CHRDL2: variants seen among roughly 807,000 people sequenced by gnomAD.
CHRDL2 encodes chordin-like protein 2.
Under a neutral mutation model 54.3 loss-of-function variants are expected in CHRDL2, and 41 were observed. The ratio of observed to expected loss-of-function variants is 0.76; its 90% CI spans 0.59 to 0.98. The LOEUF (loss-of-function observed/expected upper bound fraction) is 0.98. Ranked by LOEUF, CHRDL2 falls within the 50% of genes least tolerant of loss-of-function variation. The pLI, the probability that CHRDL2 is intolerant of heterozygous loss-of-function variation, is 0.00. For synonymous variants in CHRDL2, 220 were observed against 224.3 expected, an observed-to-expected ratio of 0.98 and a Z score of 0.17; for missense variants, 518 against 562.4, an observed-to-expected ratio of 0.92 and a Z score of 0.80.
chr11:74,728,786 C>T (rs1349735273), intron 1 of CHRDL2, among the ~76,000 whole-genome samples: 4 of 152,168 alleles, frequency 2.6e-5, no homozygotes, highest in Non-Finnish European at 4.4e-5. Flanking sequence ...TGGGTAGAAG[C>T]AGATGGTTTT....
rs1565148954 is a variant in CHRDL2, at chr11:74,703,286, T to G, written c.946+19A>C. The stretch of plus-strand genomic sequence containing the variant: ...TCACTCTGGCCAGCGCCCTCCTTGC[T>G]CCCAGTGCCCCTGTGTACCTGGGCA... On this transcript the variant is annotated intron_variant, in intron 8 of 10. Coordinates refer to ENST00000376332, the MANE Select transcript of CHRDL2 (RefSeq NM_001278473.3). The G allele has an allele frequency of 3.8e-6, 6 of 1,575,114 alleles. No individual in the cohort carries two copies. The highest frequency in any genetic ancestry group is 4.3e-6 in the Non-Finnish European group (5 of 1,157,846).
chr11:74,716,013 G>A (rs1316942311), intron 2 of CHRDL2, among the ~76,000 whole-genome samples: 4 of 151,210 alleles, frequency 2.6e-5, no homozygotes, highest in African/African-American at 9.8e-5. Context: ...AATAAATAGA[G>A]GAATATTATT....
chr11:74,726,232 C>A (rs1231433080), intron 1 of CHRDL2, among the ~76,000 whole-genome samples: 2 of 152,158 alleles, frequency 1.3e-5, no homozygotes, highest in Non-Finnish European at 1.5e-5. Flanking sequence ...TGCTTAGATT[C>A]ATAGAATCGT....
intron 1 of CHRDL2, among the ~76,000 whole-genome samples, chr11:74,719,788 A>G (rs1442679436): frequency 1.3e-5 from 2 of 152,160 alleles, no homozygotes; most frequent in Non-Finnish European, 2.9e-5. Flanking sequence ...ACAATCCTGC[A>G]TTCCTGAAAC....
chr11:74,704,705 A>C, intron 6 of CHRDL2, 51 bp from the exon 7 acceptor site: 1 of 1,565,400 alleles, frequency 6.4e-7, no homozygotes, highest in Non-Finnish European at 8.7e-7. Flanking sequence ...AGCAGGCCCC[A>C]GCTGGAGCCA....
At chr11:74,711,041 A>C (rs2034178739) in intron 3 of CHRDL2, 50 bp from the exon 4 acceptor site, 2 of 1,565,354 alleles carry the variant, frequency 1.3e-6, no homozygotes, top group Non-Finnish European at 1.7e-6. Context: ...TTTCATGTGA[A>C]TCTTTGCTGA....
At chr11:74,697,905 T>G (rs2033656027) in intron 9 of CHRDL2, among the ~76,000 whole-genome samples, 1 of 152,150 alleles carries the variant, frequency 6.6e-6, no homozygotes, top group Admixed American at 6.5e-5. Context: ...GGTGTGTTTA[T>G]TCAGATACCA....
At chr11:74,709,707 CTTGT>C (rs2034122782) in intron 4 of CHRDL2, among the ~76,000 whole-genome samples, 1 of 152,214 alleles carries the variant, frequency 6.6e-6, no homozygotes, top group Non-Finnish European at 1.5e-5. Flanking sequence ...AAAGAAGTGA[CTTGT>C]TTGAGGTCAC....
intron 4 of CHRDL2, among the ~76,000 whole-genome samples, chr11:74,709,494 C>T (rs2135252903): frequency 6.6e-6 from 1 of 152,320 alleles, no homozygotes; most frequent in South Asian, 2.1e-4. Flanking sequence ...ATAAACCAGG[C>T]ATTTCTATGA....
intron 1 of CHRDL2, among the ~76,000 whole-genome samples, chr11:74,727,145 C>A (rs947238094): frequency 2.0e-5 from 3 of 152,162 alleles, no homozygotes. Context: ...AATAATCATC[C>A]ACTTGAGTCC....
At chr11:74,726,832 C>T (rs1162223469) in intron 1 of CHRDL2, among the ~76,000 whole-genome samples, 1 of 152,210 alleles carries the variant, frequency 6.6e-6, no homozygotes, top group Non-Finnish European at 1.5e-5. Flanking sequence ...GGACTTCAGG[C>T]CTTCACTTAG....
intron 9 of CHRDL2, among the ~76,000 whole-genome samples, chr11:74,700,286 G>A (rs1033023452): frequency 2.0e-4 from 30 of 152,380 alleles, no homozygotes; most frequent in African/African-American, 7.2e-4. Flanking sequence ...GCATATGGGC[G>A]TGAGCTCTGG....
Position 74,716,540 on chromosome 11 carries a change from C to CAAAAAAA in CHRDL2, c.195+2173_195+2179dup, listed in dbSNP as rs751918696. Among the ~76,000 whole-genome samples, 430 of 57,614 alleles carry CAAAAAAA rather than the reference C, an allele frequency of 7.5e-3. 5 individuals are homozygous for CAAAAAAA. The highest frequency in any genetic ancestry group is 0.029 in the African/African-American group (413 of 14,300). 37.8% of individuals were successfully genotyped at this position (57,614 alleles called of 152,430 possible). ...CCTGGTGACAGCATGACTCCATCTC[C>CAAAAAAA]AAAAAAAAAAAAAAAAAAAGAAAGA... On this transcript the variant is annotated intron_variant, in intron 2 of 10. Coordinates refer to ENST00000376332, the MANE Select transcript of CHRDL2 (RefSeq NM_001278473.3).
In CHRDL2 at chr11:74,731,193, G is replaced by C; in HGVS notation, c.-305C>G. 3.1e-6 allele frequency: 1 copy of C among 317,472 alleles called. No homozygotes were observed. Among genetic ancestry groups the C allele is most frequent in the East Asian group, 6.3e-5 (1 of 15,900 alleles). The allele number at this position is 317,472 out of a possible 1,614,324, so 19.7% of individuals were successfully genotyped here. A position where few individuals can be genotyped will look rare whatever the true frequency, so the allele number is the denominator to read the frequency against. The stretch of plus-strand genomic sequence containing the variant: ...AGAAAGGGGGAAGGTGAGAGGGAGA[G>C]GAGGAGAAAGCAGGGAGAGGACCGG... On this transcript the variant is annotated 5_prime_UTR_variant, in exon 1 of 11. Transcript: ENST00000376332. The surrounding 1 kb of genome is among the most constrained non-coding windows in gnomAD (Gnocchi z 4.4).
At chr11:74,725,744 A>AG (rs1420027294) in intron 1 of CHRDL2, among the ~76,000 whole-genome samples, 1 of 152,152 alleles carries the variant, frequency 6.6e-6, no homozygotes, top group Non-Finnish European at 1.5e-5. Flanking sequence ...GGGCATCAGG[A>AG]GGGGCCGGGG....
rs534102637 is a variant in CHRDL2 at position 74,711,115 on chromosome 11, T to A, written c.290-124A>T. 2.6e-6 allele frequency: 3 copies of A among 1,139,342 alleles called. No individual in the cohort carries two copies. In the African/African-American group the frequency reaches 4.7e-5, roughly 18 times the overall value. The allele number at this position is 1,139,342 out of a possible 1,614,324, so 70.6% of individuals were successfully genotyped here. ...CCCCAGCTTGATATTTAAACCAAGC[T>A]CTGGCCTGGGCCTTGCCAGCCATTC... On this transcript the variant is annotated intron_variant, in intron 3 of 10. Transcript: ENST00000376332.
rs530874845 is a variant in CHRDL2, at chr11:74,698,014, G to A, written c.1121-717C>T. On this transcript the variant is annotated intron_variant, in intron 9 of 10. Transcript: ENST00000376332. ...AGGAGGCCAAGCCTTTTCAAATGCC[G>A]TTCCCTCTGCTGGAATATCTTCTAC... is the stretch of plus-strand genomic sequence containing the variant. Among the ~76,000 whole-genome samples, 21 of 151,816 alleles carry A rather than the reference G, an allele frequency of 1.4e-4. No homozygotes were observed. The East Asian group carries it at 1.6e-3, about 11-fold the overall frequency.
chr11:74,721,939 T>C (rs2034506268), intron 1 of CHRDL2, among the ~76,000 whole-genome samples: 1 of 152,234 alleles, frequency 6.6e-6, no homozygotes, highest in African/African-American at 2.4e-5. Context: ...TAAGAACCTG[T>C]CTTTCCTTAG....
At chr11:74,721,105 G>A (rs1028970719) in intron 1 of CHRDL2, among the ~76,000 whole-genome samples, 13 of 152,210 alleles carry the variant, frequency 8.5e-5, no homozygotes, top group African/African-American at 3.1e-4. Flanking sequence ...CGGCTGGCCC[G>A]TATCAAATGA....
Sources: allele counts gnomAD v4.1 joint callset (sites outside exome capture counted in the v4.1 genomes callset), GRCh38; gene constraint gnomAD v4.1.1; non-coding constraint Gnocchi (gnomAD v3.1); transcripts MANE v1.5; gene names NCBI Gene and HGNC (gene_info 2026-07-23, HGNC 2026-07-21).